The following CREB5 variants were observed in gnomAD, a reference collection of about 807,000 sequenced individuals.
The protein encoded by CREB5 is cyclic AMP-responsive element-binding protein 5.
A neutral mutation model predicts 57.1 loss-of-function variants in CREB5; 19 were observed. The observed-to-expected ratio is 0.33, with a 90% confidence interval of 0.23 to 0.49. The LOEUF (loss-of-function observed/expected upper bound fraction) is 0.49, where lower values mean the gene tolerates loss of function less well. Ranked by LOEUF, CREB5 falls within the 20% of genes least tolerant of loss-of-function variation. The pLI, the probability that CREB5 is intolerant of heterozygous loss-of-function variation, is 0.99. For synonymous variants in CREB5, 238 were observed against 238.3 expected (o/e 1.00, Z 0.01); for missense variants, 579 against 671.6 (o/e 0.86, Z 1.52).
chr7:28,813,164 G>C (rs900187557), intron 9 of CREB5, among the ~76,000 whole-genome samples: 1 of 152,164 alleles, frequency 6.6e-6, no homozygotes, highest in Non-Finnish European at 1.5e-5. Flanking sequence ...ACAACAAGTA[G>C]GTGGCAGAAT....
chr7:28,588,199 C>T lies in CREB5; in HGVS notation c.464+17662C>T, dbSNP rs114325646. On this transcript the variant is annotated intron_variant, in intron 5 of 10. Coordinates refer to ENST00000357727, the MANE Select transcript of CREB5 (RefSeq NM_182898.4). ...CTTTTGGAGGGGGCCATTTCCTATA[C>T]GTAGCGGTACTGTTTCTGGTGACTT... is the stretch of plus-strand genomic sequence containing the variant. Among the ~76,000 whole-genome samples the T allele has an allele frequency of 2.3e-3, 350 of 152,258 alleles. 3 individuals carry two copies. The highest frequency in any genetic ancestry group is 7.0e-3 in the African/African-American group (289 of 41,544).
intron 2 of CREB5, among the ~76,000 whole-genome samples, 154 bp downstream of exon 2, chr7:28,488,400 T>C (rs1001742338): frequency 6.6e-6 from 1 of 152,216 alleles, no homozygotes; most frequent in Non-Finnish European, 1.5e-5. Context: ...ATCATCATCA[T>C]TTTCATCGCC....
chr7:28,562,906 C>CA (rs1352812225), intron 4 of CREB5, among the ~76,000 whole-genome samples: 7 of 152,288 alleles, frequency 4.6e-5, no homozygotes, highest in Non-Finnish European at 8.8e-5. Context: ...TCACTTTCTA[C>CA]AAAAAATATT....
rs1026689811 is a variant in CREB5 at position 28,356,598 on chromosome 7, A to G, written c.-25+57157A>G. 1.9e-4 allele frequency among the ~76,000 whole-genome samples: 29 copies of G among 152,290 alleles called. 1 individual carries two copies. Among genetic ancestry groups the G allele is most frequent in the African/African-American group, 7.0e-4 (29 of 41,564 alleles). On this transcript the variant is annotated intron_variant, in intron 1 of 9. Transcript: ENST00000396299. ...GTCTTGGTTAGCATTGCATTCAGCTACAAGTGAGATAAAACCCAAAGGAAT... is the reference window on the plus strand; with the variant it reads ...GTCTTGGTTAGCATTGCATTCAGCTGCAAGTGAGATAAAACCCAAAGGAAT...
chr7:28,314,133 C>T (rs897935988), intron 1 of CREB5, among the ~76,000 whole-genome samples: 5 of 152,186 alleles, frequency 3.3e-5, no homozygotes, highest in African/African-American at 1.2e-4. Flanking sequence ...CAGGTATTCA[C>T]TGCCTTTGAA....
intron 3 of CREB5, among the ~76,000 whole-genome samples, chr7:28,499,984 G>A (rs1049993304): frequency 1.3e-5 from 2 of 152,182 alleles, no homozygotes; most frequent in African/African-American, 4.8e-5. Context: ...GTTAGGGCAG[G>A]CACCAGTCAA....
chr7:28,737,359 A>C (rs1346137356), intron 7 of CREB5, among the ~76,000 whole-genome samples: 2 of 151,598 alleles, frequency 1.3e-5, no homozygotes, highest in African/African-American at 2.4e-5. Context: ...CAGACTGCCT[A>C]GCTTCAGATC....
intron 5 of CREB5, among the ~76,000 whole-genome samples, chr7:28,634,287 C>T (rs1269991997): frequency 1.3e-5 from 2 of 152,186 alleles, no homozygotes; most frequent in Non-Finnish European, 2.9e-5. Context: ...AATTATGTCA[C>T]TTCCCTTTCA....
chr7:28,529,225 C>T (rs549806746), intron 4 of CREB5, among the ~76,000 whole-genome samples: 1 of 152,316 alleles, frequency 6.6e-6, no homozygotes, highest in South Asian at 2.1e-4. Flanking sequence ...TCCAGTTTTT[C>T]CACCCAAGAA....
intron 5 of CREB5, among the ~76,000 whole-genome samples, chr7:28,589,485 C>T (rs1163378694): frequency 6.6e-6 from 1 of 152,024 alleles, no homozygotes; most frequent in Non-Finnish European, 1.5e-5. Context: ...ACCCAGGAGG[C>T]GGAGCTTGCA....
At chr7:28,355,243 G>A (rs1230891399) in intron 1 of CREB5, among the ~76,000 whole-genome samples, 2 of 152,206 alleles carry the variant, frequency 1.3e-5, no homozygotes, top group Non-Finnish European at 2.9e-5. Flanking sequence ...CCTTTGGGAT[G>A]AAAGCGTGCA....
At chr7:28,808,947 T>G (rs1808921345) in intron 8 of CREB5, among the ~76,000 whole-genome samples, 1 of 152,166 alleles carries the variant, frequency 6.6e-6, no homozygotes, top group South Asian at 2.1e-4. Context: ...TGACTACATC[T>G]TTTCACGAGT....
At chr7:28,489,296 C>CTTTT (rs70977046) in intron 2 of CREB5, among the ~76,000 whole-genome samples, 1,913 of 96,520 alleles carry the variant, frequency 0.02, 162 homozygotes, top group African/African-American at 0.059. Context: ...GAGGACCCTT[C>CTTTT]TTTTTTTTTT....
intron 7 of CREB5, chr7:28,779,125 T>C (rs1031906593): frequency 6.6e-6 from 1 of 152,230 alleles, no homozygotes; most frequent in African/African-American, 2.4e-5. Flanking sequence ...AAAATTCCCA[T>C]GTCAGGAGTT....
chr7:28,795,553 T>C (rs970376020), intron 7 of CREB5, among the ~76,000 whole-genome samples: 5 of 152,170 alleles, frequency 3.3e-5, no homozygotes, highest in African/African-American at 1.2e-4. Flanking sequence ...AGGGCAAATA[T>C]CTTTTTGGTC....
At chr7:28,728,938 T>C (rs555794950) in intron 7 of CREB5, among the ~76,000 whole-genome samples, 1 of 152,312 alleles carries the variant, frequency 6.6e-6, no homozygotes, top group African/African-American at 2.4e-5. Context: ...GCAGTATGTC[T>C]GTTCCTTTGA....
chr7:28,800,911 C>T (rs1416697627), intron 7 of CREB5, among the ~76,000 whole-genome samples: 1 of 152,192 alleles, frequency 6.6e-6, no homozygotes, highest in African/African-American at 2.4e-5. Context: ...TGGCTTGTGG[C>T]ACCTTCTCTC....
chr7:28,609,839 G>A (rs1562525695), intron 5 of CREB5, among the ~76,000 whole-genome samples: 1 of 152,252 alleles, frequency 6.6e-6, no homozygotes, highest in Non-Finnish European at 1.5e-5. Flanking sequence ...TGATGTTAGA[G>A]AGGTGGACAC....
chr7:28,408,387 G>A (rs1305976338), upstream of CREB5, among the ~76,000 whole-genome samples: 2 of 152,240 alleles, frequency 1.3e-5, no homozygotes, highest in African/African-American at 4.8e-5. Flanking sequence ...CTCAAAGGGA[G>A]AACTTCTGAA....
Sources: gnomAD v4.1 joint callset for allele counts (sites outside exome capture counted in the v4.1 genomes callset) on GRCh38, gnomAD v4.1.1 for gene constraint, MANE v1.5 for transcripts, NCBI Gene and HGNC (gene_info 2026-07-23, HGNC 2026-07-21) for gene names.